TSHR: variants seen among roughly 807,000 people sequenced by gnomAD.
The protein encoded by TSHR is thyrotropin receptor.
In TSHR, 51 loss-of-function variants were observed where a neutral mutation model predicts 64.1. The observed-to-expected ratio is 0.80, with a 90% confidence interval of 0.64 to 1.01. TSHR has a LOEUF of 1.01. Among genes scored for constraint, TSHR ranks in the 50% least tolerant of loss-of-function variants. The probability of loss-of-function intolerance (pLI) is 0.00; values close to 1 mark genes in which losing one functional copy is unlikely to be tolerated. For missense variants in TSHR, 877 were observed against 942.8 expected (o/e 0.93, Z 0.91); for synonymous variants, 361 against 361.9 (o/e 1.00, Z 0.03).
chr14:81,139,696 G>A lies in TSHR; in HGVS notation c.710G>A (p.Ser237Asn). ...CCTCCCAGGGACGTGTCTCAAACCAGTGTCACTGCCCTTCCATCCAAAGGC... is the reference window on the plus strand; with the variant it reads ...CCTCCCAGGGACGTGTCTCAAACCAATGTCACTGCCCTTCCATCCAAAGGC... Reference protein sequence around the residue: ...GPSLLDVSQTSVTALPSKGLE... With the variant: ...GPSLLDVSQTNVTALPSKGLE... Residue 237 changes from serine (S) to asparagine (N), a missense_variant, in exon 9 of 10, where the codon AGT (serine) becomes AAT (asparagine). Coordinates refer to ENST00000298171, the MANE Select transcript of TSHR (RefSeq NM_000369.5). The A allele has an allele frequency of 6.2e-7, 1 of 1,614,150 alleles. No homozygotes were observed. Among genetic ancestry groups the A allele is most frequent in the Non-Finnish European group, 8.5e-7 (1 of 1,180,040 alleles).
intron 1 of TSHR, chr14:80,994,572 A>G (rs1044792893): frequency 1.3e-5 from 2 of 152,164 alleles, no homozygotes; most frequent in African/African-American, 4.8e-5. Flanking sequence ...TAGAAATAAG[A>G]CCACACACAT....
intron 3 of TSHR, among the ~76,000 whole-genome samples, chr14:81,072,836 A>T (rs956606747): frequency 1.5e-5 from 2 of 136,414 alleles, no homozygotes; most frequent in Non-Finnish European, 1.5e-5. Flanking sequence ...TCTCTACTAA[A>T]AATACAAAAA....
At chr14:81,041,584 T>A (rs1273706133) in intron 1 of TSHR, among the ~76,000 whole-genome samples, 1 of 152,070 alleles carries the variant, frequency 6.6e-6, no homozygotes, top group East Asian at 1.9e-4. Context: ...GCCTAATAAC[T>A]GGGTGATGAA....
At chr14:81,062,049 A>C in intron 1 of TSHR, 99 bp from the exon 2 acceptor site, 5 of 1,077,484 alleles carry the variant, frequency 4.6e-6, no homozygotes, top group Non-Finnish European at 6.9e-6. Context: ...ATATTGTGAA[A>C]ACTGTCATGC....
At chr14:81,140,115 G>A (rs991200503) in intron 9 of TSHR, among the ~76,000 whole-genome samples, 34 of 152,206 alleles carry the variant, frequency 2.2e-4, no homozygotes, top group African/African-American at 7.7e-4. Flanking sequence ...ACAGGAGAGA[G>A]AAACACAACC....
intron 1 of TSHR, among the ~76,000 whole-genome samples, chr14:81,023,059 A>C (rs1357750546): frequency 2.6e-5 from 4 of 152,104 alleles, no homozygotes; most frequent in Non-Finnish European, 5.9e-5. Context: ...TGGGCTTCCC[A>C]GTTTCTAGAA....
chr14:80,984,502 G>A (rs1206930994), intron 1 of TSHR, among the ~76,000 whole-genome samples: 2 of 152,126 alleles, frequency 1.3e-5, no homozygotes, highest in African/African-American at 2.4e-5. Flanking sequence ...GAATTAGAGA[G>A]GGTAAGTACT....
chr14:81,045,178 A>T (rs1404409009), intron 1 of TSHR, among the ~76,000 whole-genome samples: 1 of 152,196 alleles, frequency 6.6e-6, no homozygotes, highest in Non-Finnish European at 1.5e-5. Flanking sequence ...GTTCTCACTT[A>T]TAAGTAGGAG....
At chr14:81,109,085 C>A in intron 8 of TSHR, 1 of 815,442 alleles carries the variant, frequency 1.2e-6, no homozygotes, top group Non-Finnish European at 1.6e-6. Context: ...TTTAGAATCT[C>A]ATCATTGAGC....
chr14:80,973,498 T>C (rs536877309), intron 1 of TSHR, among the ~76,000 whole-genome samples: 2 of 150,978 alleles, frequency 1.3e-5, no homozygotes, highest in African/African-American at 2.4e-5. Flanking sequence ...GTTTTAAGAG[T>C]TCCCATCTTG....
chr14:81,026,000 G>A (rs1884030776), intron 1 of TSHR, among the ~76,000 whole-genome samples: 1 of 152,108 alleles, frequency 6.6e-6, no homozygotes, highest in South Asian at 2.1e-4. Context: ...AGAACAAGAT[G>A]GATGGCCTCA....
intron 1 of TSHR, among the ~76,000 whole-genome samples, chr14:81,022,775 C>T (rs1162942808): frequency 6.6e-6 from 1 of 151,580 alleles, no homozygotes; most frequent in African/African-American, 2.4e-5. Context: ...GAGCCAAGAT[C>T]ATGCCACTGC....
intron 1 of TSHR, chr14:80,982,559 A>G: frequency 9.8e-7 from 1 of 1,018,604 alleles, no homozygotes; most frequent in East Asian, 2.8e-5. Flanking sequence ...CCTAATCCTC[A>G]ATCTGTGAGT....
rs995485227 is a variant in TSHR at position 81,145,406 on chromosome 14, T to C, written c.*1053T>C. On this transcript the variant is annotated 3_prime_UTR_variant, in exon 10 of 10. Coordinates refer to ENST00000298171, the MANE Select transcript of TSHR (RefSeq NM_000369.5). ...ATGACCCAGGAAATTTTTCCTTTGT[T>C]TCACTTTTGATTATGATGTCTGAGC... 6 of 233,098 alleles carry C rather than the reference T, an allele frequency of 2.6e-5. No homozygotes were observed. The highest frequency in any genetic ancestry group is 4.2e-5 in the Non-Finnish European group (5 of 118,034). 14.4% of individuals were successfully genotyped at this position (233,098 alleles called of 1,614,324 possible). A position where few individuals can be genotyped will look rare whatever the true frequency, so the allele number is the denominator to read the frequency against.
At chr14:81,024,238 G>GTT (rs149038035) in intron 1 of TSHR, among the ~76,000 whole-genome samples, 9 of 150,266 alleles carry the variant, frequency 6.0e-5, no homozygotes, top group East Asian at 3.9e-4. Flanking sequence ...TTTAGGCATG[G>GTT]TTTTTTTTTG....
At chr14:81,137,273 T>G (rs906131267) in intron 8 of TSHR, among the ~76,000 whole-genome samples, 7 of 152,196 alleles carry the variant, frequency 4.6e-5, no homozygotes, top group Admixed American at 3.3e-4. Flanking sequence ...AGTGATAAAC[T>G]GCCAGTTTTT....
intron 3 of TSHR, among the ~76,000 whole-genome samples, chr14:81,082,423 C>T (rs1043590235): frequency 6.6e-6 from 1 of 152,226 alleles, no homozygotes; most frequent in South Asian, 2.1e-4. Flanking sequence ...CCACTGTAAA[C>T]TTGCTTCAAG....
At chr14:81,114,333 G>A (rs574366703) in intron 8 of TSHR, among the ~76,000 whole-genome samples, 5 of 152,296 alleles carry the variant, frequency 3.3e-5, no homozygotes, top group South Asian at 2.1e-4. Context: ...CACTGTGCGC[G>A]AGCCAAAGCA....
chr14:80,980,005 A>C (rs1329428389), intron 1 of TSHR, among the ~76,000 whole-genome samples: 1 of 152,164 alleles, frequency 6.6e-6, no homozygotes, highest in African/African-American at 2.4e-5. Context: ...ATGGTTTATG[A>C]AGTCCCCGTG....
Sources: gnomAD v4.1 joint callset for allele counts (sites outside exome capture counted in the v4.1 genomes callset) on GRCh38, gnomAD v4.1.1 for gene constraint, MANE v1.5 for transcripts, NCBI Gene and HGNC (gene_info 2026-07-23, HGNC 2026-07-21) for gene names.